Variants in RSL1D1 observed in about 807,000 individuals in gnomAD.
RSL1D1 encodes the protein ribosomal L1 domain-containing protein 1.
A neutral mutation model predicts 44.6 loss-of-function variants in RSL1D1; 34 were observed. That is an observed-to-expected ratio of 0.76 (90% CI 0.58 to 1.02). The LOEUF is 1.02. Ranked by LOEUF, RSL1D1 falls within the 50% of genes least tolerant of loss-of-function variation. The probability of loss-of-function intolerance (pLI) is 0.00; values close to 1 mark genes in which losing one functional copy is unlikely to be tolerated. For missense variants in RSL1D1, 767 were observed against 568.1 expected, an observed-to-expected ratio of 1.35 and a Z score of -3.56; for synonymous variants, 271 against 207.4, an observed-to-expected ratio of 1.31 and a Z score of -2.63.
At chr16:11,848,788 C>G (rs1162878752) in intron 2 of RSL1D1, among the ~76,000 whole-genome samples, 2 of 150,002 alleles carry the variant, frequency 1.3e-5, no homozygotes, top group African/African-American at 4.9e-5. Flanking sequence ...CCACCACACT[C>G]AGCCAACATA....
chr16:11,839,271 AAGG>A (rs2053745276), intron 8 of RSL1D1, among the ~76,000 whole-genome samples: 1 of 151,440 alleles, frequency 6.6e-6, no homozygotes, highest in Non-Finnish European at 1.5e-5. Context: ...GAGGCTGAGG[AAGG>A]AGAATTGCTT....
At chr16:11,842,637 G>A (rs1055262020) in intron 5 of RSL1D1, among the ~76,000 whole-genome samples, 2 of 150,948 alleles carry the variant, frequency 1.3e-5, no homozygotes, top group Non-Finnish European at 2.9e-5. Context: ...ACCTCCCAAA[G>A]TGCTGGGATT....
chr16:11,841,720 C>G lies in RSL1D1; in HGVS notation c.830G>C (p.Arg277Thr), dbSNP rs1199522758. ...FVSNWDEATK[R>T]SLLNKKKKEA... is the part of the protein sequence containing the mutation. ...TTTTTTCTTCTTATTAAGCAAAGAT[C>G]TTTTGGTGGCTTCATCCCAATTGCT... is the stretch of plus-strand genomic sequence containing the variant. The change falls in exon 7 of 9, where the codon AGA becomes ACA. Residue 277 changes from arginine (R) to threonine (T), a missense_variant. Transcript: ENST00000571133. 6.2e-7 allele frequency: 1 copy of G among 1,613,026 alleles called. No homozygotes were observed. Among genetic ancestry groups the G allele is most frequent in the African/African-American group, 1.3e-5 (1 of 74,876 alleles).
In RSL1D1 at chr16:11,836,918, T is replaced by G. The variant is rs2053724630; in HGVS notation, c.*869A>C. Reference sequence around the variant, plus strand: ...GAGGAAAAGGGTCACATCACAGACCTCAAGTCAGACCCACTGATTTGGAAA... The same window carrying G: ...GAGGAAAAGGGTCACATCACAGACCGCAAGTCAGACCCACTGATTTGGAAA... On this transcript the variant is annotated 3_prime_UTR_variant, in exon 9 of 9. Coordinates refer to ENST00000571133, the MANE Select transcript of RSL1D1 (RefSeq NM_015659.3). 1.3e-5 allele frequency: 2 copies of G among 152,164 alleles called. No homozygotes were observed. The highest frequency in any genetic ancestry group is 1.3e-4 in the Admixed American group (2 of 15,266). 9.4% of individuals were successfully genotyped at this position (152,164 alleles called of 1,614,324 possible).
Position 11,847,694 on chromosome 16 carries a change from T to G in RSL1D1, c.358A>C (p.Lys120Gln), listed in dbSNP as rs775506729. ...TGAGAAACGGTTTTAATTCCATGCT[T>G]GTTTAAAAGCTTTCTATAAAACTGT... The part of the protein sequence containing the change: ...TEQFYRKLLN[K>Q]HGIKTVSQII... Residue 120 changes from lysine (K) to glutamine (Q), a missense_variant, in exon 3 of 9, where the codon AAG becomes CAG. Physicochemically the swap from Lys to Gln is moderately conservative, Grantham distance 53 (BLOSUM62 1). Coordinates refer to ENST00000571133, the MANE Select transcript of RSL1D1 (RefSeq NM_015659.3). 7.4e-6 allele frequency: 12 copies of G among 1,612,102 alleles called. No individual in the cohort carries two copies. In the East Asian group the frequency reaches 2.7e-4, roughly 36 times the overall value.
chr16:11,839,983 C>T lies in RSL1D1; in HGVS notation c.858G>A (p.Glu286=), dbSNP rs752636213. Residue 286 remains glutamate (E), a splice_region_variant and synonymous_variant, in exon 8 of 9, where the codon GAG becomes GAA. Coordinates refer to ENST00000571133, the MANE Select transcript of RSL1D1 (RefSeq NM_015659.3). ...TTCTTTCTCTTCGTTTTCTCCTTGC[C>T]TCCTACCAAAAAACACCATACAAAC... ...KRSLLNKKKK[E]ARRKRRERNF... The T allele has an allele frequency of 3.7e-6, 6 of 1,610,244 alleles. No homozygotes were observed. The highest frequency in any genetic ancestry group is 1.7e-4 in the Middle Eastern group (1 of 6,046).
In RSL1D1 at chr16:11,846,768, A is replaced by T. The variant is rs2053801738; in HGVS notation, c.460T>A (p.Phe154Ile). Residue 154 changes from phenylalanine (F) to isoleucine (I), a missense_variant, in exon 4 of 9, where the codon TTC becomes ATC. By Grantham distance (21) the Phe-to-Ile change is conservative. Coordinates refer to ENST00000571133, the MANE Select transcript of RSL1D1 (RefSeq NM_015659.3). Reference sequence around the variant, plus strand: ...CTAATTCTGGCATCAGTAAGGAAGAAATCAAAACTGCTCAGAAGGCGGAGC... The same window carrying T: ...CTAATTCTGGCATCAGTAAGGAAGATATCAAAACTGCTCAGAAGGCGGAGC... Reference protein sequence around the residue: ...AKLRLLSSFDFFLTDARIRRL... With the variant: ...AKLRLLSSFDIFLTDARIRRL... 8 of 1,613,832 alleles carry T rather than the reference A, an allele frequency of 5.0e-6. No individual in the cohort carries two copies. The highest frequency in any genetic ancestry group is 6.8e-6 in the Non-Finnish European group (8 of 1,179,736).
intron 8 of RSL1D1, 144 bp downstream of exon 8, chr16:11,839,551 C>CAAAAA: frequency 2.1e-6 from 1 of 479,062 alleles, no homozygotes; most frequent in Non-Finnish European, 3.3e-6. Context: ...AAAAAAGGTA[C>CAAAAA]AATAAATCAT....
chr16:11,849,350 T>C (rs567880689), intron 2 of RSL1D1: 7 of 150,564 alleles, frequency 4.6e-5, no homozygotes, highest in African/African-American at 1.7e-4. Flanking sequence ...ATCTCACTAT[T>C]GTACTCCAGC....
chr16:11,851,156 C>A (rs1165518806), intron 1 of RSL1D1: 3 of 548,188 alleles, frequency 5.5e-6, no homozygotes, highest in Non-Finnish European at 9.9e-6. Context: ...TAAGCCAGGT[C>A]GCCAGGTCTA....
intron 5 of RSL1D1, among the ~76,000 whole-genome samples, chr16:11,843,301 C>T (rs1048995864): frequency 2.0e-5 from 3 of 151,542 alleles, no homozygotes; most frequent in African/African-American, 7.3e-5. Context: ...AAACACCTGC[C>T]CTCAACTGAT....
At chr16:11,850,931 C>T (rs1269546325) in intron 1 of RSL1D1, 1 of 203,984 alleles carries the variant, frequency 4.9e-6, no homozygotes, top group Admixed American at 5.5e-5. Context: ...CTCAGGTGAT[C>T]CACCCGCCTC....
At chr16:11,848,246 T>C (rs921868626) in intron 2 of RSL1D1, among the ~76,000 whole-genome samples, 17 of 152,056 alleles carry the variant, frequency 1.1e-4, no homozygotes, top group African/African-American at 4.1e-4. Context: ...AGAGGCAAAC[T>C]CCGTCTCAAA....
At chr16:11,843,571 G>C (rs2053777608) in intron 5 of RSL1D1, among the ~76,000 whole-genome samples, 1 of 149,774 alleles carries the variant, frequency 6.7e-6, no homozygotes, top group Non-Finnish European at 1.5e-5. Flanking sequence ...CCATGTTCAA[G>C]AATAAATAGT....
At chr16:11,843,253 T>G (rs779513568) in intron 5 of RSL1D1, among the ~76,000 whole-genome samples, 1 of 151,648 alleles carries the variant, frequency 6.6e-6, no homozygotes, top group East Asian at 2.0e-4. Context: ...GTATTTTTAG[T>G]AGAGATGGGG....
intron 7 of RSL1D1, 100 bp downstream of exon 7, chr16:11,841,592 AGAT>A (rs2053764016): frequency 9.4e-7 from 1 of 1,067,538 alleles, no homozygotes; most frequent in Admixed American, 2.6e-5. Flanking sequence ...CAAAACCAGA[AGAT>A]AACTGAAAAG....
rs2053727522 is a variant in RSL1D1 at position 11,837,233 on chromosome 16, C to T, written c.*554G>A. The T allele has an allele frequency of 6.5e-6, 1 of 152,832 alleles. No homozygotes were observed. The highest frequency in any genetic ancestry group is 1.5e-5 in the Non-Finnish European group (1 of 68,156). 9.5% of individuals were successfully genotyped at this position (152,832 alleles called of 1,614,324 possible). On this transcript the variant is annotated 3_prime_UTR_variant, in exon 9 of 9. Coordinates refer to ENST00000571133, the MANE Select transcript of RSL1D1 (RefSeq NM_015659.3). ...TCAAGCAATCCTCTCACCTTGGCTACCTAAAGTGCTGAACAACCACAGAGA... is the reference window on the plus strand; with the variant it reads ...TCAAGCAATCCTCTCACCTTGGCTATCTAAAGTGCTGAACAACCACAGAGA...
intron 8 of RSL1D1, among the ~76,000 whole-genome samples, chr16:11,839,404 C>A (rs181870661): frequency 1.4e-5 from 2 of 147,770 alleles, no homozygotes; most frequent in South Asian, 2.1e-4. Context: ...AAAAGCCAAC[C>A]GGTTGGGACT....
In RSL1D1 at chr16:11,837,670, A is replaced by T. The variant is rs911931846; in HGVS notation, c.*117T>A. 6.9e-6 allele frequency: 7 copies of T among 1,012,630 alleles called. No homozygotes were observed. The highest frequency in any genetic ancestry group is 4.8e-5 in the Admixed American group (2 of 41,356). The allele number at this position is 1,012,630 out of a possible 1,614,324, so 62.7% of individuals were successfully genotyped here. On this transcript the variant is annotated 3_prime_UTR_variant, in exon 9 of 9. Transcript: ENST00000571133. ...TGGACTACTTATGGAGGTTTTAAAA[A>T]ATCTTTTAAGTCCAGGCCTGACGTT...
Sources: gnomAD v4.1 joint callset for allele counts (sites outside exome capture counted in the v4.1 genomes callset) on GRCh38, gnomAD v4.1.1 for gene constraint, MANE v1.5 for transcripts, NCBI Gene and HGNC (gene_info 2026-07-23, HGNC 2026-07-21) for gene names.